Variants in NCAM1 observed in about 807,000 individuals in gnomAD.
The protein encoded by NCAM1 is neural cell adhesion molecule 1, also known as antigen recognized by monoclonal antibody 5.1H11.
In NCAM1, 14 loss-of-function variants were observed where a neutral mutation model predicts 109.8. The observed-to-expected ratio is 0.13, with a 90% CI of 0.08 to 0.20. NCAM1 has a LOEUF of 0.20. Ranked by LOEUF, NCAM1 falls within the 10% of genes least tolerant of loss-of-function variation. The pLI is 1.00. For missense variants in NCAM1, 774 were observed against 1,109.9 expected, an observed-to-expected ratio of 0.70 and a Z score of 4.30; for synonymous variants, 418 against 442.9, an observed-to-expected ratio of 0.94 and a Z score of 0.70.
At chr11:113,211,192 C>T (rs1326152654) in intron 7 of NCAM1, among the ~76,000 whole-genome samples, 11 of 152,170 alleles carry the variant, frequency 7.2e-5, no homozygotes, top group African/African-American at 2.4e-4. Context: ...TCCTTTCCAG[C>T]CCCTTCCAAC....
intron 1 of NCAM1, among the ~76,000 whole-genome samples, chr11:113,193,633 C>A (rs1216542441): frequency 6.6e-6 from 1 of 150,716 alleles, no homozygotes; most frequent in East Asian, 1.9e-4. Context: ...GAGCAAAATT[C>A]TGTGTCAAAA....
intron 1 of NCAM1, among the ~76,000 whole-genome samples, chr11:113,044,822 C>T (rs372395276): frequency 1.9e-4 from 29 of 152,180 alleles, no homozygotes; most frequent in Middle Eastern, 3.4e-3. Flanking sequence ...GGCGCGATCT[C>T]GGCTCGCTGA....
At chr11:113,060,353 G>A (rs1020127208) in intron 1 of NCAM1, among the ~76,000 whole-genome samples, 8 of 152,082 alleles carry the variant, frequency 5.3e-5, no homozygotes, top group Non-Finnish European at 1.2e-4. Flanking sequence ...ACATTCATTA[G>A]GATACAGTGT....
intron 1 of NCAM1, among the ~76,000 whole-genome samples, chr11:113,115,391 G>A (rs1565445202): frequency 6.6e-6 from 1 of 152,126 alleles, no homozygotes; most frequent in Non-Finnish European, 1.5e-5. Context: ...ACTAATGTGT[G>A]AGCTGTCTTT....
intron 1 of NCAM1, among the ~76,000 whole-genome samples, chr11:113,061,969 T>C (rs1937673052): frequency 6.6e-6 from 1 of 152,214 alleles, no homozygotes; most frequent in Non-Finnish European, 1.5e-5. Flanking sequence ...ACCTAGTCTG[T>C]TGCTGTCACA....
At chr11:113,060,330 A>T (rs1014539129) in intron 1 of NCAM1, among the ~76,000 whole-genome samples, 1 of 152,140 alleles carries the variant, frequency 6.6e-6, no homozygotes, top group Non-Finnish European at 1.5e-5. Context: ...TTATGAACTA[A>T]ATTTGGGTAT....
intron 19 of NCAM1, among the ~76,000 whole-genome samples, chr11:113,272,660 T>C (rs1946307619): frequency 6.6e-6 from 1 of 152,142 alleles, no homozygotes; most frequent in Admixed American, 6.5e-5. Context: ...GGGAGCTCTA[T>C]GCAGAGAGCT....
At chr11:113,203,323 T>C (rs1345633855) in intron 2 of NCAM1, among the ~76,000 whole-genome samples, 1 of 152,228 alleles carries the variant, frequency 6.6e-6, no homozygotes, top group Non-Finnish European at 1.5e-5. Flanking sequence ...TTCAATGATC[T>C]GGAGACGCAG....
At chr11:113,146,449 T>C (rs879949430) in intron 1 of NCAM1, among the ~76,000 whole-genome samples, 19 of 152,202 alleles carry the variant, frequency 1.2e-4, no homozygotes, top group Admixed American at 3.9e-4. Flanking sequence ...CTCTTCCAAA[T>C]TGATATAAAG....
At chr11:113,112,028 A>G (rs1455795680) in intron 1 of NCAM1, among the ~76,000 whole-genome samples, 9 of 152,210 alleles carry the variant, frequency 5.9e-5, no homozygotes, top group African/African-American at 2.2e-4. Flanking sequence ...ACTGAAAAAT[A>G]ATGAAGGTGG....
chr11:113,220,602 C>CTTTTTT lies in NCAM1; in HGVS notation c.1060-676_1060-671dup, dbSNP rs1175342641. Among the ~76,000 whole-genome samples the CTTTTTT allele has an allele frequency of 5.6e-4, 42 of 75,592 alleles. 4 individuals are homozygous for CTTTTTT. Among genetic ancestry groups the CTTTTTT allele is most frequent in the African/African-American group, 1.9e-3 (32 of 16,430 alleles). The allele number at this position is 75,592 out of a possible 152,430, so 49.6% of individuals were successfully genotyped here. A position where few individuals can be genotyped will look rare whatever the true frequency, so the allele number is the denominator to read the frequency against. On this transcript the variant is annotated intron_variant, in intron 8 of 19. Transcript: ENST00000316851. The stretch of plus-strand genomic sequence containing the variant: ...AGACCTATTCTCTCTCTCTCTCTCT[C>CTTTTTT]TTTTTTTTTTTTTTTTTTTTTTTGA...
chr11:113,046,478 A>C (rs1953270163), intron 1 of NCAM1, among the ~76,000 whole-genome samples: 1 of 152,206 alleles, frequency 6.6e-6, no homozygotes, highest in Non-Finnish European at 1.5e-5. Flanking sequence ...AGTTACCTTA[A>C]ATTGAAACAT....
At chr11:113,235,541 A>G (rs568046053) in intron 14 of NCAM1, among the ~76,000 whole-genome samples, 28 of 152,246 alleles carry the variant, frequency 1.8e-4, no homozygotes, top group Non-Finnish European at 3.2e-4. Context: ...TGTGACTTGC[A>G]GGAAGAGGGT....
At chr11:112,994,688 C>T (rs911106478) in intron 1 of NCAM1, among the ~76,000 whole-genome samples, 7 of 152,078 alleles carry the variant, frequency 4.6e-5, no homozygotes, top group African/African-American at 1.4e-4. Context: ...TTAGAGTACC[C>T]GGGAGTTCTG....
At chr11:113,000,441 A>G (rs1351739643) in intron 1 of NCAM1, among the ~76,000 whole-genome samples, 1 of 152,182 alleles carries the variant, frequency 6.6e-6, no homozygotes, top group African/African-American at 2.4e-5. Context: ...GAATAGTAGT[A>G]GTGATTGTTG....
At chr11:113,034,131 A>G (rs782802152) in intron 1 of NCAM1, among the ~76,000 whole-genome samples, 3 of 152,174 alleles carry the variant, frequency 2.0e-5, no homozygotes, top group Non-Finnish European at 2.9e-5. Context: ...AGTCGTGATA[A>G]TGAGGCCACA....
At chr11:113,224,445 T>G (rs542940517) in intron 9 of NCAM1, among the ~76,000 whole-genome samples, 2 of 152,356 alleles carry the variant, frequency 1.3e-5, no homozygotes, top group East Asian at 3.9e-4. Context: ...AAGCTCGAAC[T>G]GGGTGGAGCC....
chr11:112,996,214 A>T (rs1165061817), intron 1 of NCAM1, among the ~76,000 whole-genome samples: 1 of 152,274 alleles, frequency 6.6e-6, no homozygotes, highest in South Asian at 2.1e-4. Context: ...AACTTTTCCT[A>T]CTTAGCATTA....
At chr11:113,025,837 T>A (rs1256750596) in intron 1 of NCAM1, among the ~76,000 whole-genome samples, 1 of 139,958 alleles carries the variant, frequency 7.1e-6, no homozygotes, top group Non-Finnish European at 1.5e-5. Context: ...GAGAGAGAAC[T>A]GTAAACATGT....
Sources: gnomAD v4.1 joint callset for allele counts (sites outside exome capture counted in the v4.1 genomes callset) on GRCh38, gnomAD v4.1.1 for gene constraint, MANE v1.5 for transcripts, NCBI Gene and HGNC (gene_info 2026-07-23, HGNC 2026-07-21) for gene names.